DCBLD2: variants seen among roughly 807,000 people sequenced by gnomAD.
DCBLD2 encodes discoidin, CUB and LCCL domain containing 2, also known as discoidin, CUB and LCCL domain-containing protein 2.
In DCBLD2, 54 loss-of-function variants were observed where a neutral mutation model predicts 86.8. The ratio of observed to expected loss-of-function variants is 0.62; its 90% CI spans 0.50 to 0.78. DCBLD2 has a LOEUF of 0.78. DCBLD2 is among the 30% of genes least tolerant of loss of function. DCBLD2 has a pLI of 0.00. For missense variants in DCBLD2, 908 were observed against 954.2 expected (o/e 0.95, Z 0.64); for synonymous variants, 354 against 341.3 (o/e 1.04, Z -0.41).
chr3:98,845,943 A>C (rs1467615130), intron 3 of DCBLD2, among the ~76,000 whole-genome samples: 2 of 151,842 alleles, frequency 1.3e-5, no homozygotes, highest in Non-Finnish European at 2.9e-5. Flanking sequence ...CTCCCCACAC[A>C]CCTCTGGCCC....
intron 2 of DCBLD2, among the ~76,000 whole-genome samples, chr3:98,870,789 G>GAA (rs769924309): frequency 1.3e-4 from 19 of 150,876 alleles, no homozygotes; most frequent in African/African-American, 4.4e-4. Context: ...AAGAAAGAAA[G>GAA]AAAGAAAGAA....
At chr3:98,818,123 G>A (rs1942056651) in intron 8 of DCBLD2, among the ~76,000 whole-genome samples, 2 of 152,170 alleles carry the variant, frequency 1.3e-5, no homozygotes, top group Admixed American at 1.3e-4. Flanking sequence ...GAACTATTCT[G>A]TTTTGGTGTC....
In DCBLD2 at chr3:98,820,234, C is replaced by A; in HGVS notation, c.871+14G>T. ...TATATAAATAAAAAATTATAAAGTC[C>A]ATAAAAGGCTTACCACTTGTCTTAA... On this transcript the variant is annotated intron_variant, in intron 7 of 15. Coordinates refer to ENST00000326840, the MANE Select transcript of DCBLD2 (RefSeq NM_080927.4). The A allele has an allele frequency of 1.4e-6, 2 of 1,431,560 alleles. No homozygotes were observed. The highest frequency in any genetic ancestry group is 1.8e-6 in the Non-Finnish European group (2 of 1,090,146). The allele number at this position is 1,431,560 out of a possible 1,614,324, so 88.7% of individuals were successfully genotyped here.
chr3:98,901,373 C>T lies in DCBLD2; in HGVS notation c.-47G>A. On this transcript the variant is annotated 5_prime_UTR_variant, in exon 1 of 16. Transcript: ENST00000326840. Reference sequence around the variant, plus strand: ...TGCATAGTGCGGGTGCCTCGGCAGCCCCGCGCGCCTCTGGCCGCGGCACCC... The same window carrying T: ...TGCATAGTGCGGGTGCCTCGGCAGCTCCGCGCGCCTCTGGCCGCGGCACCC... 1.6e-6 allele frequency: 2 copies of T among 1,275,536 alleles called. No homozygotes were observed. Among genetic ancestry groups the T allele is most frequent in the Non-Finnish European group, 2.0e-6 (2 of 1,017,560 alleles). 79.0% of individuals were successfully genotyped at this position (1,275,536 alleles called of 1,614,324 possible).
chr3:98,885,472 C>T (rs1029342338), intron 1 of DCBLD2, among the ~76,000 whole-genome samples: 5 of 151,950 alleles, frequency 3.3e-5, no homozygotes, highest in Non-Finnish European at 7.4e-5. Flanking sequence ...TATACACTCT[C>T]GCATGCACGC....
chr3:98,858,291 C>A (rs1286267388), intron 2 of DCBLD2, among the ~76,000 whole-genome samples: 1 of 152,252 alleles, frequency 6.6e-6, no homozygotes, highest in Non-Finnish European at 1.5e-5. Flanking sequence ...GCCCCAGTTC[C>A]CGCCTGCGCC....
chr3:98,868,524 T>C (rs1040290170), intron 2 of DCBLD2, among the ~76,000 whole-genome samples: 2 of 152,188 alleles, frequency 1.3e-5, no homozygotes, highest in African/African-American at 2.4e-5. Context: ...ATAAATTTTA[T>C]AGTGGTGAAA....
Position 98,900,678 on chromosome 3 carries a change from G to A in DCBLD2, c.205+444C>T, listed in dbSNP as rs1943831285. 6 of 189,884 alleles carry A rather than the reference G, an allele frequency of 3.2e-5. No homozygotes were observed. The South Asian group carries it at 5.4e-4, about 17-fold the overall frequency. The allele number at this position is 189,884 out of a possible 1,614,324, so 11.8% of individuals were successfully genotyped here. A position where few individuals can be genotyped will look rare whatever the true frequency, so the allele number is the denominator to read the frequency against. On this transcript the variant is annotated intron_variant, in intron 1 of 15. Transcript: ENST00000326840. ...AGCAGAAACTATTCCATTCGCTTCA[G>A]AACCCGGGCTCTTTCACAAAGGATC...
At chr3:98,840,456 C>T (rs950945934) in intron 3 of DCBLD2, among the ~76,000 whole-genome samples, 14 of 152,096 alleles carry the variant, frequency 9.2e-5, no homozygotes, top group Non-Finnish European at 1.8e-4. Flanking sequence ...TTTAATATGT[C>T]CTATAATACT....
intron 7 of DCBLD2, among the ~76,000 whole-genome samples, 187 bp downstream of exon 7, chr3:98,820,061 A>C (rs890281504): frequency 4.6e-5 from 7 of 152,200 alleles, no homozygotes; most frequent in African/African-American, 1.7e-4. Flanking sequence ...TTACATGACC[A>C]TTTCTCTATA....
At chr3:98,871,591 A>C (rs1372999856) in intron 2 of DCBLD2, among the ~76,000 whole-genome samples, 6 of 152,026 alleles carry the variant, frequency 3.9e-5, no homozygotes, top group African/African-American at 1.5e-4. Context: ...GTTGATTTGC[A>C]TATGTCAAAT....
rs1942676118 is a variant in DCBLD2, at chr3:98,844,141, A to G, written c.571+5320T>C. On this transcript the variant is annotated intron_variant, in intron 3 of 15. Coordinates refer to ENST00000326840, the MANE Select transcript of DCBLD2 (RefSeq NM_080927.4). ...AATGCAAATGTATATATTTCTTTTGAGTTCACTGTTTTATAACTACAACTT... is the reference window on the plus strand; with the variant it reads ...AATGCAAATGTATATATTTCTTTTGGGTTCACTGTTTTATAACTACAACTT... Among the ~76,000 whole-genome samples, 4 of 151,878 alleles carry G rather than the reference A, an allele frequency of 2.6e-5. No homozygotes were observed. The South Asian group carries it at 8.3e-4, about 32-fold the overall frequency.
chr3:98,835,540 AT>A lies in DCBLD2; in HGVS notation c.572-10175del, dbSNP rs1357258992. Among the ~76,000 whole-genome samples the A allele has an allele frequency of 2.1e-3, 295 of 139,370 alleles. 3 individuals are homozygous for A. The highest frequency in any genetic ancestry group is 3.8e-3 in the African/African-American group (142 of 37,802). The allele number at this position is 139,370 out of a possible 152,430, so 91.4% of individuals were successfully genotyped here. On this transcript the variant is annotated intron_variant, in intron 3 of 15. Coordinates refer to ENST00000326840, the MANE Select transcript of DCBLD2 (RefSeq NM_080927.4). ...TATCCATCCTCTCACTCCGTATGCT[AT>A]TTTTTTTTCTTCTTTTTTTTTTTTT...
At chr3:98,867,807 GTT>G (rs71625507) in intron 2 of DCBLD2, among the ~76,000 whole-genome samples, 5 of 143,196 alleles carry the variant, frequency 3.5e-5, no homozygotes, top group African/African-American at 5.1e-5. Context: ...GTTGTTTTTT[GTT>G]TTTTTTTTTT....
intron 3 of DCBLD2, among the ~76,000 whole-genome samples, chr3:98,836,326 T>C (rs1048557855): frequency 1.2e-4 from 18 of 144,026 alleles, no homozygotes; most frequent in African/African-American, 4.7e-4. Context: ...CAGTTAGTAA[T>C]TGCCAGAGGT....
At chr3:98,852,985 C>T (rs1194463258) in intron 2 of DCBLD2, among the ~76,000 whole-genome samples, 2 of 152,176 alleles carry the variant, frequency 1.3e-5, no homozygotes, top group Non-Finnish European at 2.9e-5. Flanking sequence ...TCATGCCATG[C>T]AATGCCTAGA....
intron 2 of DCBLD2, among the ~76,000 whole-genome samples, chr3:98,852,600 T>C (rs1033694679): frequency 3.3e-5 from 5 of 152,210 alleles, no homozygotes; most frequent in African/African-American, 4.8e-5. Context: ...TAACTTCTTT[T>C]ATGTTACATA....
At chr3:98,834,142 CTTTTTT>C (rs10588325) in intron 3 of DCBLD2, among the ~76,000 whole-genome samples, 2 of 124,922 alleles carry the variant, frequency 1.6e-5, no homozygotes, top group South Asian at 2.6e-4. Flanking sequence ...GAGTTGTTTT[CTTTTTT>C]TTTTTTTTTT....
chr3:98,820,518 C>A (rs181966997), intron 6 of DCBLD2, among the ~76,000 whole-genome samples: 10 of 152,254 alleles, frequency 6.6e-5, no homozygotes, highest in Admixed American at 3.3e-4. Flanking sequence ...ATCTAGCACC[C>A]AGTTTCATAT....
Sources: allele counts gnomAD v4.1 joint callset (sites outside exome capture counted in the v4.1 genomes callset), GRCh38; gene constraint gnomAD v4.1.1; transcripts MANE v1.5; gene names NCBI Gene and HGNC (gene_info 2026-07-23, HGNC 2026-07-21).